WDR44: variants seen among roughly 807,000 people sequenced by gnomAD.
The protein encoded by WDR44 is WD repeat-containing protein 44.
WDR44 carries 9 observed loss-of-function variants against 65.7 expected under a neutral mutation model. The observed-to-expected ratio is 0.14, with a 90% CI of 0.08 to 0.24. The LOEUF (loss-of-function observed/expected upper bound fraction) is 0.24, where lower values mean the gene tolerates loss of function less well. WDR44 is among the 10% of genes least tolerant of loss of function. The pLI is 1.00. For missense variants in WDR44, 425 were observed against 670.9 expected (o/e 0.63, Z 4.05); for synonymous variants, 220 against 235.2 (o/e 0.94, Z 0.59).
rs1479023150 is a variant in WDR44 at position 118,404,279 on chromosome X, C to G, written c.1275-59C>G. 8 of 870,277 alleles carry G rather than the reference C, an allele frequency of 9.2e-6. No individual in the cohort carries two copies. The African/African-American group carries it at 1.6e-4, about 18-fold the overall frequency. The allele number at this position is 870,277 out of a possible 1,213,427, so 71.7% of individuals were successfully genotyped here. On this transcript the variant is annotated intron_variant, in intron 8 of 19. Transcript: ENST00000254029. ...TATCAGTCACAGCTGATACATTTGT[C>G]TGCAAATTATTGGACTTTTACAGTT...
intron 8 of WDR44, among the ~76,000 whole-genome samples, chrX:118,398,998 G>T (rs2056889950): frequency 8.9e-6 from 1 of 112,049 alleles, no homozygotes. Context: ...CTACCAGTAG[G>T]TAGGTACGAA....
chrX:118,448,419 G>A (rs1052232360), intron 19 of WDR44, among the ~76,000 whole-genome samples: 5 of 111,773 alleles, frequency 4.5e-5, no homozygotes, highest in African/African-American at 1.3e-4. Context: ...CACAGCAAAC[G>A]TGTGTACTTC....
intron 8 of WDR44, among the ~76,000 whole-genome samples, chrX:118,402,752 A>G (rs2056930485): frequency 8.9e-6 from 1 of 112,271 alleles, no homozygotes; most frequent in African/African-American, 3.2e-5. Context: ...TGTCTCAATT[A>G]AAAACAATTT....
At chrX:118,371,997 CTTTT>C (rs754818345) in intron 1 of WDR44, among the ~76,000 whole-genome samples, 1 of 93,098 alleles carries the variant, frequency 1.1e-5, no homozygotes. Flanking sequence ...TTTTTTATTT[CTTTT>C]TTTTTTTTTT....
intron 1 of WDR44, among the ~76,000 whole-genome samples, chrX:118,368,935 C>T (rs1014540054): frequency 9.3e-6 from 1 of 107,293 alleles, no homozygotes; most frequent in African/African-American, 3.4e-5. Flanking sequence ...GCCACATTGG[C>T]CAGGCTGGTC....
In WDR44 at chrX:118,432,801, A is replaced by G. The variant is rs745963122; in HGVS notation, c.1758A>G (p.Glu586=). 2.1e-5 allele frequency: 25 copies of G among 1,209,271 alleles called. No homozygotes were observed. The highest frequency in any genetic ancestry group is 3.4e-6 in the Non-Finnish European group (3 of 894,230). The change falls in exon 13 of 20, where the codon GAA becomes GAG. Residue 586 remains glutamate, a synonymous_variant. Transcript: ENST00000254029. ...TDTGVCSGTD[E]DPDDKNAPFR... The stretch of plus-strand genomic sequence containing the variant: ...AATAGGTATGCAGTGGAACTGATGA[A>G]GACCCTGATGATAAAAACGCACCCT...
chrX:118,349,428 G>A (rs7883213), intron 1 of WDR44, among the ~76,000 whole-genome samples: 14,469 of 108,940 alleles, frequency 0.13, 1,097 homozygotes, highest in African/African-American at 0.28. Flanking sequence ...TGCCCAGGCT[G>A]GTCTCAAACT....
Position 118,449,058 on chromosome X carries a change from C to A in WDR44, c.*71C>A. ...TATCAAAACTGAAAAAATAGTGTTC[C>A]AGGCTAACATACTTTTTTAATTTTT... On this transcript the variant is annotated 3_prime_UTR_variant, in exon 20 of 20. Coordinates refer to ENST00000254029, the MANE Select transcript of WDR44 (RefSeq NM_019045.5). The A allele has an allele frequency of 1.5e-6, 1 of 661,893 alleles. No homozygotes were observed. The highest frequency in any genetic ancestry group is 2.2e-6 in the Non-Finnish European group (1 of 449,825). The allele number at this position is 661,893 out of a possible 1,213,427, so 54.5% of individuals were successfully genotyped here.
chrX:118,391,747 G>A (rs906275253), intron 3 of WDR44, among the ~76,000 whole-genome samples: 2 of 112,364 alleles, frequency 1.8e-5, no homozygotes, highest in African/African-American at 6.5e-5. Context: ...ACTTTGGGAG[G>A]CTGAGGCAGG....
At chrX:118,366,688 A>C (rs1160356447) in intron 1 of WDR44, among the ~76,000 whole-genome samples, 2 of 111,051 alleles carry the variant, frequency 1.8e-5, no homozygotes, top group African/African-American at 6.5e-5. Context: ...TAATATATAT[A>C]ATCTATTAAT....
intron 1 of WDR44, among the ~76,000 whole-genome samples, chrX:118,351,806 C>G (rs1356384374): frequency 9.1e-6 from 1 of 110,140 alleles, no homozygotes; most frequent in African/African-American, 3.3e-5. Flanking sequence ...AAAAATTAGC[C>G]GAGCATGGTA....
chrX:118,419,217 T>G (rs1237897787), intron 12 of WDR44, among the ~76,000 whole-genome samples: 1 of 111,537 alleles, frequency 9.0e-6, no homozygotes, highest in Admixed American at 9.5e-5. Flanking sequence ...CAGTTCAAAT[T>G]GTTACAAAGT....
intron 1 of WDR44, among the ~76,000 whole-genome samples, chrX:118,347,669 T>C (rs1040641442): frequency 8.0e-5 from 9 of 112,568 alleles, no homozygotes; most frequent in African/African-American, 2.9e-4. Context: ...GATGCAAGTA[T>C]AGTTAGCCAT....
chrX:118,374,592 C>T (rs923304313), intron 1 of WDR44, among the ~76,000 whole-genome samples: 3 of 111,699 alleles, frequency 2.7e-5, no homozygotes, highest in African/African-American at 9.8e-5. Context: ...CAAGCAGGAT[C>T]CCATTTTAAT....
intron 18 of WDR44, among the ~76,000 whole-genome samples, chrX:118,443,892 A>G (rs1169646832): frequency 1.8e-5 from 2 of 110,795 alleles, no homozygotes; most frequent in African/African-American, 6.6e-5. Flanking sequence ...AAAATACAAA[A>G]AAAATTAGCC....
At chrX:118,402,243 G>A (rs996224829) in intron 8 of WDR44, among the ~76,000 whole-genome samples, 20 of 106,804 alleles carry the variant, frequency 1.9e-4, no homozygotes, top group Middle Eastern at 9.6e-3. Context: ...CGACCAGCCC[G>A]GCCAACATGG....
At chrX:118,347,494 TC>T (rs2056363051) in intron 1 of WDR44, among the ~76,000 whole-genome samples, 1 of 112,145 alleles carries the variant, frequency 8.9e-6, no homozygotes, top group South Asian at 3.7e-4. Flanking sequence ...TTCGCCGAAC[TC>T]CCCTACGAAT....
intron 12 of WDR44, among the ~76,000 whole-genome samples, chrX:118,422,071 G>A: frequency 9.0e-6 from 1 of 111,475 alleles, no homozygotes; most frequent in East Asian, 2.8e-4. Context: ...ATTAGCATAG[G>A]TGTTGTAGCA....
At chrX:118,372,221 A>T (rs1422039971) in intron 1 of WDR44, among the ~76,000 whole-genome samples, 3 of 111,182 alleles carry the variant, frequency 2.7e-5, no homozygotes, top group African/African-American at 9.8e-5. Context: ...TAATGGTCTT[A>T]AGACAAAATT....
Sources: allele counts gnomAD v4.1 joint callset (sites outside exome capture counted in the v4.1 genomes callset), GRCh38; gene constraint gnomAD v4.1.1; transcripts MANE v1.5; gene names NCBI Gene and HGNC (gene_info 2026-07-23, HGNC 2026-07-21).